DHRSX: variants seen among roughly 807,000 people sequenced by gnomAD.
DHRSX encodes the protein polyprenol dehydrogenase.
DHRSX carries 31 observed loss-of-function variants against 34.0 expected under a neutral mutation model. The ratio of observed to expected loss-of-function variants is 0.91; its 90% CI spans 0.69 to 1.23. The LOEUF (loss-of-function observed/expected upper bound fraction) is 1.23. Among genes scored for constraint, DHRSX ranks in the 50% most tolerant of loss-of-function variants. The probability of loss-of-function intolerance (pLI) is 0.00; values close to 1 mark genes in which losing one functional copy is unlikely to be tolerated. For synonymous variants in DHRSX, 201 were observed against 183.8 expected (o/e 1.09, Z -0.76); for missense variants, 414 against 428.1 (o/e 0.97, Z 0.29).
chrX:2,489,440 T>G, intron 1 of DHRSX: 2 of 1,613,880 alleles, frequency 1.2e-6, no homozygotes, highest in Non-Finnish European at 1.7e-6. Flanking sequence ...CAGGAGCATG[T>G]GCAGCAGCGG....
rs2043975969 is a variant in DHRSX at position 2,435,049 on chromosome X, G to A, written c.110-9745C>T. 1.3e-5 allele frequency among the ~76,000 whole-genome samples: 2 copies of A among 150,160 alleles called. 1 individual carries two copies. Among genetic ancestry groups the A allele is most frequent in the South Asian group, 4.2e-4 (2 of 4,736 alleles). On this transcript the variant is annotated intron_variant, in intron 1 of 6. Transcript: ENST00000334651. ...TAGAGAACAGACTAGTAATTCTCAG[G>A]GGTTCAGGACAGGAGAGGAGGTTGA...
intron 1 of DHRSX, among the ~76,000 whole-genome samples, chrX:2,483,673 A>G (rs1431559250): frequency 6.6e-6 from 1 of 151,776 alleles, no homozygotes; most frequent in Admixed American, 6.6e-5. Context: ...CAAAAACCTC[A>G]CGTGTGTTAC....
rs113765343 is a variant in DHRSX at position 2,291,478 on chromosome X, T to C, written c.388+24A>G. On this transcript the variant is annotated intron_variant, in intron 4 of 6. Transcript: ENST00000334651. ...TTTGCATTCAAATTAACCCCTGGCT[T>C]GCTGCAATTTCACCAGGACTCACCA... 6,849 of 1,578,162 alleles carry C rather than the reference T, an allele frequency of 4.3e-3. 277 individuals are homozygous for C. In the African/African-American group the frequency reaches 0.081, roughly 19 times the overall value.
intron 1 of DHRSX, among the ~76,000 whole-genome samples, chrX:2,463,704 A>G (rs1307953810): frequency 1.3e-5 from 2 of 152,200 alleles, no homozygotes; most frequent in African/African-American, 2.4e-5. Flanking sequence ...TGGGATGGTG[A>G]CGTGCAGAGA....
chrX:2,345,950 T>A (rs1000904506), intron 3 of DHRSX, among the ~76,000 whole-genome samples: 10 of 152,246 alleles, frequency 6.6e-5, no homozygotes, highest in African/African-American at 2.2e-4. Flanking sequence ...AGTACACACA[T>A]CATATTGGTT....
At chrX:2,236,719 AC>A (rs2016024079) in intron 6 of DHRSX, among the ~76,000 whole-genome samples, 1 of 152,112 alleles carries the variant, frequency 6.6e-6, no homozygotes. Flanking sequence ...GGTGTGAGCC[AC>A]TGCGCCCGGC....
intron 1 of DHRSX, among the ~76,000 whole-genome samples, chrX:2,485,802 G>A (rs1184593287): frequency 2.9e-5 from 1 of 34,792 alleles, no homozygotes; most frequent in Non-Finnish European, 5.4e-5. Context: ...AGGGAGAGAA[G>A]GAAGGAAGGG....
At chrX:2,295,717 T>C (rs1175405448) in intron 3 of DHRSX, among the ~76,000 whole-genome samples, 2 of 152,210 alleles carry the variant, frequency 1.3e-5, no homozygotes, top group Non-Finnish European at 2.9e-5. Flanking sequence ...TTACACGGCA[T>C]GTGTAACTAA....
intron 3 of DHRSX, among the ~76,000 whole-genome samples, chrX:2,405,857 C>G (rs1466545149): frequency 1.3e-5 from 2 of 150,544 alleles, no homozygotes; most frequent in African/African-American, 2.4e-5. Context: ...GGGGAATTCT[C>G]AAAACACCAT....
At chrX:2,298,612 A>ACACACACACACACACACACACACACG (rs1556457204) in intron 3 of DHRSX, among the ~76,000 whole-genome samples, 1 of 57,200 alleles carries the variant, frequency 1.7e-5, no homozygotes. Context: ...ACACACACAC[A>ACACACACACACACACACACACACACG]CACACACACA....
At chrX:2,333,857 G>A (rs2042515203) in intron 3 of DHRSX, among the ~76,000 whole-genome samples, 1 of 152,062 alleles carries the variant, frequency 6.6e-6, no homozygotes, top group East Asian at 1.9e-4. Context: ...TTGCTTTTAT[G>A]TTCTTGTATT....
intron 1 of DHRSX, among the ~76,000 whole-genome samples, chrX:2,461,194 T>C (rs2044397388): frequency 6.6e-6 from 1 of 152,236 alleles, no homozygotes; most frequent in Admixed American, 6.5e-5. Context: ...ACTGGCTATT[T>C]GATACGTTCT....
chrX:2,425,269 T>C lies in DHRSX; in HGVS notation c.145A>G (p.Thr49Ala). ...PPRPDRVAIV[T>A]GGTDGIGYST... Reference sequence around the variant, plus strand: ...TAGCCAATGCCATCTGTCCCTCCCGTCACTATAGCGACACGGTCAGGTCGT... The same window carrying C: ...TAGCCAATGCCATCTGTCCCTCCCGCCACTATAGCGACACGGTCAGGTCGT... The change falls in exon 2 of 7, where the codon ACG (threonine) becomes GCG (alanine). Residue 49 changes from threonine (T) to alanine (A), a missense_variant. Physicochemically the swap from Thr to Ala is moderately conservative, Grantham distance 58. Coordinates refer to ENST00000334651, the MANE Select transcript of DHRSX (RefSeq NM_145177.3). 6.2e-7 allele frequency: 1 copy of C among 1,613,814 alleles called. No homozygotes were observed. The highest frequency in any genetic ancestry group is 8.5e-7 in the Non-Finnish European group (1 of 1,179,838).
chrX:2,395,154 C>T (rs28463237), intron 3 of DHRSX, among the ~76,000 whole-genome samples: 31,848 of 152,090 alleles, frequency 0.21, 4,377 homozygotes, highest in Non-Finnish European at 0.31. Flanking sequence ...CCTGATTCCT[C>T]CAAGACCTGT....
intron 1 of DHRSX, among the ~76,000 whole-genome samples, chrX:2,464,712 G>A (rs1003843256): frequency 1.3e-5 from 2 of 151,080 alleles, no homozygotes; most frequent in Admixed American, 6.6e-5. Context: ...CACTGAAGAC[G>A]TTCCCTAGGC....
At chrX:2,436,741 C>G (rs2043996757) in intron 1 of DHRSX, among the ~76,000 whole-genome samples, 1 of 151,890 alleles carries the variant, frequency 6.6e-6, no homozygotes, top group Non-Finnish European at 1.5e-5. Flanking sequence ...AAGTGATCCT[C>G]CTGCCTCAGT....
chrX:2,264,027 TC>T (rs1440598289), intron 5 of DHRSX, among the ~76,000 whole-genome samples: 1 of 152,184 alleles, frequency 6.6e-6, no homozygotes, highest in Non-Finnish European at 1.5e-5. Context: ...TTTAAATAGA[TC>T]CGTTTTCCTT....
intron 4 of DHRSX, among the ~76,000 whole-genome samples, chrX:2,283,482 G>A (rs769348579): frequency 3.3e-5 from 5 of 152,106 alleles, no homozygotes; most frequent in African/African-American, 4.8e-5. Flanking sequence ...AACACTTTCC[G>A]TCTTCCCGGG....
At chrX:2,385,861 G>T (rs2043265022) in intron 3 of DHRSX, among the ~76,000 whole-genome samples, 1 of 152,138 alleles carries the variant, frequency 6.6e-6, no homozygotes, top group Admixed American at 6.6e-5. Flanking sequence ...CTCAGACACA[G>T]GTTGGTGGCT....
Sources: gnomAD v4.1 joint callset for allele counts (sites outside exome capture counted in the v4.1 genomes callset) on GRCh38, gnomAD v4.1.1 for gene constraint, MANE v1.5 for transcripts, NCBI Gene and HGNC (gene_info 2026-07-23, HGNC 2026-07-21) for gene names.